Variants in CCDC7 observed in about 807,000 individuals in gnomAD.
CCDC7 encodes the protein coiled-coil domain-containing protein 7.
CCDC7 carries 183 observed loss-of-function variants against 196.9 expected under a neutral mutation model. That is an observed-to-expected ratio of 0.93 (90% CI 0.82 to 1.05). The LOEUF is 1.05. CCDC7 is among the 50% of genes least tolerant of loss of function. The pLI is 0.00. For synonymous variants in CCDC7, 525 were observed against 484.6 expected (o/e 1.08, Z -1.10); for missense variants, 1,540 against 1,482.2 (o/e 1.04, Z -0.64).
chr10:32,837,160 T>A (rs1435679366), intron 33 of CCDC7, among the ~76,000 whole-genome samples: 1 of 152,034 alleles, frequency 6.6e-6, no homozygotes, highest in Non-Finnish European at 1.5e-5. Context: ...GAAGAAAATT[T>A]TTGCAATCTA....
At chr10:32,536,258 T>C (rs181473524) in intron 11 of CCDC7, among the ~76,000 whole-genome samples, 1 of 152,234 alleles carries the variant, frequency 6.6e-6, no homozygotes, top group Non-Finnish European at 1.5e-5. Flanking sequence ...GCAGTTAGTC[T>C]ATGATCAGAC....
At chr10:32,785,803 T>C (rs1386100774) in intron 29 of CCDC7, among the ~76,000 whole-genome samples, 2 of 152,224 alleles carry the variant, frequency 1.3e-5, no homozygotes, top group African/African-American at 4.8e-5. Context: ...GAGTCATAGT[T>C]TGGTCTCTTA....
At chr10:32,701,638 A>C (rs1391924714) in intron 24 of CCDC7, among the ~76,000 whole-genome samples, 5 of 152,136 alleles carry the variant, frequency 3.3e-5, no homozygotes, top group African/African-American at 9.7e-5. Context: ...CTGTGAATCC[A>C]TCTGGTCCTG....
chr10:32,569,677 C>A (rs2057320204), intron 15 of CCDC7, among the ~76,000 whole-genome samples: 1 of 152,166 alleles, frequency 6.6e-6, no homozygotes, highest in South Asian at 2.1e-4. Flanking sequence ...ATCCACCTGC[C>A]TCAGCCTCCC....
At chr10:32,476,372 CAAAG>C (rs142189847) in intron 8 of CCDC7, among the ~76,000 whole-genome samples, 6 of 5,402 alleles carry the variant, frequency 1.1e-3, no homozygotes, top group Admixed American at 3.8e-3. Context: ...AATAGTTTGT[CAAAG>C]TTTCAATAGT....
At chr10:32,833,874 C>T (rs190248025) in intron 32 of CCDC7, among the ~76,000 whole-genome samples, 90 of 152,168 alleles carry the variant, frequency 5.9e-4, no homozygotes, top group African/African-American at 2.1e-3. Context: ...AAAACTTCTA[C>T]TCTATGATGT....
At chr10:32,776,022 A>G (rs942813181) in intron 28 of CCDC7, among the ~76,000 whole-genome samples, 6 of 147,730 alleles carry the variant, frequency 4.1e-5, no homozygotes, top group Non-Finnish European at 8.9e-5. Flanking sequence ...TCAGTAAACT[A>G]TCGCAAGAAC....
At chr10:32,833,186 G>GA (rs1183522567) in intron 32 of CCDC7, among the ~76,000 whole-genome samples, 5 of 151,960 alleles carry the variant, frequency 3.3e-5, no homozygotes, top group Non-Finnish European at 5.9e-5. Flanking sequence ...AGAGGGAATA[G>GA]AAAATATAGC....
At position 32,461,709 on chromosome 10, in the gene CCDC7, GTATATATATATATATATA is replaced by G. The variant is rs771403958; in HGVS notation, c.457-970_457-953del. Reference sequence around the variant, plus strand: ...TACATATATGTGTGTGTGTGTGTGTGTATATATATATATATATATATGTATATATATATATATATATAC... The same window carrying G: ...TACATATATGTGTGTGTGTGTGTGTGTATGTATATATATATATATATATAC... On this transcript the variant is annotated intron_variant, in intron 3 of 41. Transcript: ENST00000639629. Among the ~76,000 whole-genome samples, 216 of 57,474 alleles carry G rather than the reference GTATATATATATATATATA, an allele frequency of 3.8e-3. 1 individual carries two copies. The highest frequency in any genetic ancestry group is 0.012 in the Middle Eastern group (1 of 86). 37.7% of individuals were successfully genotyped at this position (57,474 alleles called of 152,430 possible).
intron 24 of CCDC7, among the ~76,000 whole-genome samples, chr10:32,704,645 G>A (rs1012453056): frequency 6.6e-6 from 1 of 152,106 alleles, no homozygotes; most frequent in Admixed American, 6.5e-5. Context: ...CTTGAGCTGT[G>A]GTGGGCTCCA....
intron 20 of CCDC7, among the ~76,000 whole-genome samples, chr10:32,655,815 G>T (rs536978588): frequency 2.0e-5 from 3 of 152,280 alleles, no homozygotes; most frequent in Admixed American, 1.3e-4. Context: ...CCAAAGTGCT[G>T]GGATTACAGG....
intron 29 of CCDC7, among the ~76,000 whole-genome samples, chr10:32,788,453 C>G (rs544422993): frequency 6.6e-6 from 1 of 152,174 alleles, no homozygotes; most frequent in Non-Finnish European, 1.5e-5. Context: ...GCCTCAGTAC[C>G]AGGCCAGTCT....
chr10:32,729,247 C>T (rs536350033), intron 27 of CCDC7, 85 bp from the exon 29 acceptor site: 101 of 1,313,808 alleles, frequency 7.7e-5, no homozygotes, highest in Non-Finnish European at 1.1e-4. Context: ...ACATGATTTT[C>T]TCATTTTACT....
At chr10:32,721,765 G>A (rs1418477782) in intron 25 of CCDC7, among the ~76,000 whole-genome samples, 2 of 152,056 alleles carry the variant, frequency 1.3e-5, no homozygotes, top group African/African-American at 4.8e-5. Context: ...GCTGCATGTG[G>A]GTCAACAGGG....
chr10:32,876,200 G>C (rs992346792), intron 41 of CCDC7, 147 bp from the exon 43 acceptor site: 1 of 576,956 alleles, frequency 1.7e-6, no homozygotes, highest in African/African-American at 1.9e-5. Flanking sequence ...AAAAACAATA[G>C]GTAGGTAGAT....
chr10:32,826,577 A>C (rs2091152572), intron 32 of CCDC7, among the ~76,000 whole-genome samples: 2 of 152,242 alleles, frequency 1.3e-5, no homozygotes, highest in Admixed American at 1.3e-4. Flanking sequence ...TACATGAGGA[A>C]GTGGCTCAAA....
At chr10:32,503,421 G>A (rs1564479311) in intron 9 of CCDC7, among the ~76,000 whole-genome samples, 1 of 152,082 alleles carries the variant, frequency 6.6e-6, no homozygotes, top group Non-Finnish European at 1.5e-5. Context: ...CTTTCATTCT[G>A]CTAATATGAT....
At chr10:32,466,022 T>A (rs1472236058) in intron 5 of CCDC7, among the ~76,000 whole-genome samples, 1 of 152,228 alleles carries the variant, frequency 6.6e-6, no homozygotes, top group African/African-American at 2.4e-5. Context: ...TTTCTCTGTG[T>A]CTACACCTTA....
At chr10:32,759,923 A>G (rs2133811470) in intron 28 of CCDC7, among the ~76,000 whole-genome samples, 1 of 152,242 alleles carries the variant, frequency 6.6e-6, no homozygotes, top group Middle Eastern at 3.4e-3. Context: ...CCCCATCAAA[A>G]AGTGGGCGAA....
Sources: allele counts gnomAD v4.1 joint callset (sites outside exome capture counted in the v4.1 genomes callset), GRCh38; gene constraint gnomAD v4.1.1; transcripts MANE v1.5; gene names NCBI Gene and HGNC (gene_info 2026-07-23, HGNC 2026-07-21).